The following MYH9 variants were observed in gnomAD, a reference collection of about 807,000 sequenced individuals.
MYH9 encodes myosin heavy chain 9.
In MYH9, 29 loss-of-function variants were observed where a neutral mutation model predicts 241.9. The ratio of observed to expected loss-of-function variants is 0.12; its 90% confidence interval spans 0.09 to 0.16. The LOEUF (loss-of-function observed/expected upper bound fraction) is 0.16, where lower values mean the gene tolerates loss of function less well. MYH9 is among the 10% of genes least tolerant of loss of function. The pLI is 1.00. For synonymous variants in MYH9, 1,047 were observed against 1,062.6 expected, an observed-to-expected ratio of 0.99 and a Z score of 0.29; for missense variants, 1,803 against 2,595.5, an observed-to-expected ratio of 0.69 and a Z score of 6.63.
chr22:36,361,314 G>C (rs1187830466), intron 1 of MYH9, among the ~76,000 whole-genome samples: 1 of 152,200 alleles, frequency 6.6e-6, no homozygotes, highest in Non-Finnish European at 1.5e-5. Flanking sequence ...CCCAGAGCCT[G>C]CCCCATCTGC....
chr22:36,340,662 C>CAA (rs59035920), intron 3 of MYH9, among the ~76,000 whole-genome samples: 5 of 98,996 alleles, frequency 5.1e-5, no homozygotes, highest in South Asian at 3.1e-4. Flanking sequence ...GATTCCGTCT[C>CAA]AAAAAAAAAA....
At chr22:36,308,917 A>G in intron 15 of MYH9, 1 of 941,720 alleles carries the variant, frequency 1.1e-6, no homozygotes, top group East Asian at 1.2e-4. Context: ...GAAAAGGAGA[A>G]ACCAACAGAA....
chr22:36,319,805 C>T, intron 9 of MYH9, 170 bp from the exon 10 acceptor site: 1 of 707,622 alleles, frequency 1.4e-6, no homozygotes, highest in Non-Finnish European at 2.5e-6. Context: ...GTGCGGTGGG[C>T]CCAGCCACCC....
chr22:36,320,771 G>A lies in MYH9; in HGVS notation c.868+27C>T. The A allele has an allele frequency of 1.9e-6, 3 of 1,556,244 alleles. No homozygotes were observed. The highest frequency in any genetic ancestry group is 2.7e-6 in the Non-Finnish European group (3 of 1,127,790). On this transcript the variant is annotated intron_variant, in intron 8 of 40. Coordinates refer to ENST00000216181, the MANE Select transcript of MYH9 (RefSeq NM_002473.6). This position sits in a 1 kb window ranked among gnomAD's most constrained non-coding sequence, Gnocchi z 4.8. ...AGAGGCCCAGAGCCCGGCAGCCCCG[G>A]TGTCAGGCTGCAGGCCAACTACTCA...
intron 1 of MYH9, among the ~76,000 whole-genome samples, chr22:36,362,528 G>A (rs2017950094): frequency 6.6e-6 from 1 of 152,046 alleles, no homozygotes; most frequent in Admixed American, 6.6e-5. Flanking sequence ...TCGCTCTGTT[G>A]CCCGGGCTGG....
chr22:36,326,374 G>A (rs959196517), intron 5 of MYH9, among the ~76,000 whole-genome samples, 194 bp downstream of exon 5: 2 of 152,226 alleles, frequency 1.3e-5, no homozygotes, highest in Non-Finnish European at 2.9e-5. Flanking sequence ...GGCCAAGGAT[G>A]GAATGGGCTT....
chr22:36,316,709 G>A, intron 11 of MYH9, 40 bp from the exon 12 acceptor site: 1 of 1,612,030 alleles, frequency 6.2e-7, no homozygotes, highest in Non-Finnish European at 8.5e-7. Context: ...CAGATACAAA[G>A]GATCTGAAAA....
intron 2 of MYH9, among the ~76,000 whole-genome samples, chr22:36,347,846 A>C (rs1467251320): frequency 6.6e-6 from 1 of 151,462 alleles, no homozygotes; most frequent in Non-Finnish European, 1.5e-5. Flanking sequence ...GAGATACCAA[A>C]AATGGGCTTG....
intron 1 of MYH9, among the ~76,000 whole-genome samples, chr22:36,370,733 G>A (rs1438271115): frequency 6.6e-6 from 1 of 152,198 alleles, no homozygotes; most frequent in East Asian, 1.9e-4. Flanking sequence ...GGGCAGCCTG[G>A]GAGCTGGGAG....
rs2016877350 is a variant in MYH9, at chr22:36,301,538, G to C, written c.2627C>G (p.Ser876Cys). 3.1e-6 allele frequency: 5 copies of C among 1,613,506 alleles called. No homozygotes were observed. Among genetic ancestry groups the C allele is most frequent in the Non-Finnish European group, 4.2e-6 (5 of 1,180,022 alleles). Reference protein sequence around the residue: ...NRLTEMETLQSQLMAEKLQLQ... With the variant: ...NRLTEMETLQCQLMAEKLQLQ... ...TGAGCCTGCACTGACACCCACCTGAGACTGCAGCGTCTCCATCTCCGTGAG... is the reference window on the plus strand; with the variant it reads ...TGAGCCTGCACTGACACCCACCTGACACTGCAGCGTCTCCATCTCCGTGAG... The change falls in exon 21 of 41, where the codon TCT becomes TGT. Residue 876 changes from serine (S) to cysteine (C), a missense_variant. Coordinates refer to ENST00000216181, the MANE Select transcript of MYH9 (RefSeq NM_002473.6).
chr22:36,319,728 A>G, intron 9 of MYH9, 93 bp from the exon 10 acceptor site: 1 of 1,279,890 alleles, frequency 7.8e-7, no homozygotes, highest in South Asian at 1.2e-5. Context: ...CTCAAGCCAG[A>G]CAAGCCAAGC....
intron 1 of MYH9, among the ~76,000 whole-genome samples, chr22:36,360,038 A>ACCACCACCACCACCACCACCC: frequency 7.5e-6 from 1 of 132,956 alleles, no homozygotes. Context: ...AAACACCACC[A>ACCACCACCACCACCACCACCC]CCACCACCAC....
chr22:36,317,654 T>C (rs751077204), intron 11 of MYH9, among the ~76,000 whole-genome samples: 1 of 152,176 alleles, frequency 6.6e-6, no homozygotes, highest in Non-Finnish European at 1.5e-5. Context: ...TAAAAGAAAC[T>C]AGAAACCCCG....
At chr22:36,291,797 C>G (rs2016708704) in intron 31 of MYH9, among the ~76,000 whole-genome samples, 189 bp downstream of exon 31, 1 of 152,114 alleles carries the variant, frequency 6.6e-6, no homozygotes, top group Non-Finnish European at 1.5e-5. Flanking sequence ...TGAAGACGCC[C>G]TCTTCCGCTG....
intron 1 of MYH9, among the ~76,000 whole-genome samples, chr22:36,354,951 A>C (rs1190061370): frequency 2.9e-5 from 4 of 139,026 alleles, no homozygotes; most frequent in South Asian, 2.4e-4. Flanking sequence ...AAAAACAAAA[A>C]ACAAAACACA....
In MYH9 at chr22:36,288,585, C is replaced by T. The variant is rs2016629950; in HGVS notation, c.4770+142G>A. On this transcript the variant is annotated intron_variant, in intron 33 of 40. Coordinates refer to ENST00000216181, the MANE Select transcript of MYH9 (RefSeq NM_002473.6). The surrounding 1 kb of genome is among the most constrained non-coding windows in gnomAD (Gnocchi z 4.8). ...GAAAGTGAGTCACTGAACCCCGAGA[C>T]AGGAGGCTAGAAAGAAGGAATATGG... The T allele has an allele frequency of 1.5e-6, 2 of 1,316,696 alleles. No individual in the cohort carries two copies. The highest frequency in any genetic ancestry group is 1.2e-5 in the South Asian group (1 of 84,288). 81.6% of individuals were successfully genotyped at this position (1,316,696 alleles called of 1,614,324 possible). A position where few individuals can be genotyped will look rare whatever the true frequency, so the allele number is the denominator to read the frequency against.
intron 15 of MYH9, 89 bp downstream of exon 15, chr22:36,309,193 C>T: frequency 1.8e-6 from 2 of 1,108,084 alleles, no homozygotes; most frequent in South Asian, 2.6e-5. Flanking sequence ...CATGTGTACC[C>T]CTTGTTTGGC....
chr22:36,331,870 T>G (rs2017425894), intron 3 of MYH9, among the ~76,000 whole-genome samples: 1 of 152,214 alleles, frequency 6.6e-6, no homozygotes, highest in South Asian at 2.1e-4. Flanking sequence ...AAGGGCAGTT[T>G]CAGGTTGGAC....
At chr22:36,301,495 A>G in intron 21 of MYH9, 39 bp downstream of exon 21, 1 of 1,610,762 alleles carries the variant, frequency 6.2e-7, no homozygotes. Context: ...AGCACCAGGC[A>G]GGTCGTGCGA....
Sources: allele counts gnomAD v4.1 joint callset (sites outside exome capture counted in the v4.1 genomes callset), GRCh38; gene constraint gnomAD v4.1.1; non-coding constraint Gnocchi (gnomAD v3.1); transcripts MANE v1.5; gene names NCBI Gene and HGNC (gene_info 2026-07-23, HGNC 2026-07-21).